Variants in CFAP47 observed in about 807,000 individuals in gnomAD.
CFAP47 encodes cilia- and flagella-associated protein 47.
A neutral mutation model predicts 148.1 loss-of-function variants in CFAP47; 29 were observed. That is an observed-to-expected ratio of 0.20 (90% CI 0.15 to 0.27). The LOEUF is 0.27. Ranked by LOEUF, CFAP47 falls within the 10% of genes least tolerant of loss-of-function variation. CFAP47 has a pLI of 1.00. For missense variants in CFAP47, 1,872 were observed against 1,697.5 expected, an observed-to-expected ratio of 1.10 and a Z score of -1.81; for synonymous variants, 664 against 577.3, an observed-to-expected ratio of 1.15 and a Z score of -2.15.
In CFAP47 at chrX:36,159,206, T is replaced by C. The variant is rs1247204989; in HGVS notation, c.5787-220T>C. Among the ~76,000 whole-genome samples, 3 of 111,566 alleles carry C rather than the reference T, an allele frequency of 2.7e-5. No homozygotes were observed. The Admixed American group carries it at 2.9e-4, about 11-fold the overall frequency. ...GCTTGCTGTTAGAAAATCCTTTATT[T>C]GAGAGATTATATATTTGAAAGTTAA... is the stretch of plus-strand genomic sequence containing the variant. On this transcript the variant is annotated intron_variant, in intron 37 of 63. Transcript: ENST00000378653.
chrX:35,998,008 C>T (rs1277042586), intron 19 of CFAP47, among the ~76,000 whole-genome samples: 1 of 110,760 alleles, frequency 9.0e-6, no homozygotes, highest in African/African-American at 3.3e-5. Flanking sequence ...TTCTGAGGTA[C>T]ACATACAAGA....
chrX:36,373,657 T>C (rs1941993938), intron 62 of CFAP47, among the ~76,000 whole-genome samples: 1 of 111,747 alleles, frequency 8.9e-6, no homozygotes, highest in Non-Finnish European at 1.9e-5. Flanking sequence ...TACCAGACCT[T>C]AGAGGAAAAG....
In CFAP47 at chrX:36,269,375, G is replaced by C. The variant is rs782115164; in HGVS notation, c.7445-11112G>C. Among the ~76,000 whole-genome samples the C allele has an allele frequency of 5.4e-5, 6 of 112,035 alleles. No individual in the cohort carries two copies. The South Asian group carries it at 2.2e-3, about 41-fold the overall frequency. On this transcript the variant is annotated intron_variant, in intron 49 of 63. Transcript: ENST00000378653. The stretch of plus-strand genomic sequence containing the variant: ...AACTAACAGAGATTTTAGATAGATA[G>C]ATACAAACAAACACAGGTGATAGAC...
intron 56 of CFAP47, among the ~76,000 whole-genome samples, chrX:36,318,750 T>A (rs1462411481): frequency 8.9e-6 from 1 of 112,323 alleles, no homozygotes; most frequent in African/African-American, 3.2e-5. Context: ...AATCTATTTT[T>A]AAACAGCAGG....
At chrX:35,923,671 T>A (rs1039437921) in intron 1 of CFAP47, among the ~76,000 whole-genome samples, 1 of 109,123 alleles carries the variant, frequency 9.2e-6, no homozygotes, top group Non-Finnish European at 1.9e-5. Context: ...AATACAGAAA[T>A]TAGCTGGGCA....
At chrX:36,239,272 T>A (rs1303882898) in intron 48 of CFAP47, among the ~76,000 whole-genome samples, 1 of 112,452 alleles carries the variant, frequency 8.9e-6, no homozygotes, top group African/African-American at 3.2e-5. Flanking sequence ...TGGCAAAAAT[T>A]GTCAAAATCG....
chrX:36,371,787 T>TAA (rs1941956857), intron 62 of CFAP47, among the ~76,000 whole-genome samples: 1 of 53,744 alleles, frequency 1.9e-5, no homozygotes, highest in Non-Finnish European at 2.8e-5. Flanking sequence ...TGTGTATATA[T>TAA]GTGTGTATAT....
At chrX:36,062,522 C>G (rs895833780) in intron 26 of CFAP47, among the ~76,000 whole-genome samples, 1 of 111,409 alleles carries the variant, frequency 9.0e-6, no homozygotes, top group Non-Finnish European at 1.9e-5. Flanking sequence ...CTTTTCACAC[C>G]TTATTTAATG....
At chrX:36,089,633 T>G (rs1190835820) in intron 30 of CFAP47, among the ~76,000 whole-genome samples, 1 of 111,141 alleles carries the variant, frequency 9.0e-6, no homozygotes, top group Non-Finnish European at 1.9e-5. Flanking sequence ...CTTCACCCGT[T>G]TTAGCTCTAA....
At chrX:35,920,164 G>T in intron 1 of CFAP47, 116 bp downstream of exon 1, 1 of 809,104 alleles carries the variant, frequency 1.2e-6, no homozygotes, top group South Asian at 3.7e-5. Flanking sequence ...GGGAGGATTG[G>T]GCTTCCCGGG....
intron 39 of CFAP47, among the ~76,000 whole-genome samples, chrX:36,167,166 A>G (rs923962669): frequency 1.8e-4 from 20 of 111,642 alleles, no homozygotes; most frequent in Non-Finnish European, 7.5e-5. Flanking sequence ...ACCAATCTCC[A>G]TCCAATTGTA....
chrX:36,133,070 G>A (rs1208104180), intron 33 of CFAP47, among the ~76,000 whole-genome samples: 1 of 111,434 alleles, frequency 9.0e-6, no homozygotes, highest in Non-Finnish European at 1.9e-5. Flanking sequence ...AGAGCTAGAC[G>A]CCATTAAGAA....
chrX:35,996,826 T>TAG (rs1936852711), intron 18 of CFAP47, among the ~76,000 whole-genome samples: 1 of 111,596 alleles, frequency 9.0e-6, no homozygotes, highest in Non-Finnish European at 1.9e-5. Flanking sequence ...CGTTATCTAA[T>TAG]AGAATACTGA....
intron 45 of CFAP47, among the ~76,000 whole-genome samples, chrX:36,209,428 A>G (rs1940076439): frequency 8.9e-6 from 1 of 111,826 alleles, no homozygotes; most frequent in African/African-American, 3.2e-5. Context: ...GAATGTGATT[A>G]GATTCTGGAA....
At chrX:36,164,348 G>C (rs1939465114) in intron 39 of CFAP47, among the ~76,000 whole-genome samples, 1 of 110,639 alleles carries the variant, frequency 9.0e-6, no homozygotes, top group Admixed American at 9.7e-5. Flanking sequence ...CTGTCTTTTG[G>C]TGCTCTAAAA....
At chrX:35,979,044 C>G (rs887559224) in intron 15 of CFAP47, among the ~76,000 whole-genome samples, 1 of 111,526 alleles carries the variant, frequency 9.0e-6, no homozygotes, top group African/African-American at 3.3e-5. Context: ...ATGGCGTCAT[C>G]TCAGCTCACT....
rs1485630763 is a variant in CFAP47, at chrX:36,236,833, T to A, written c.7306T>A (p.Phe2436Ile). Residue 2436 changes from phenylalanine to isoleucine, a missense_variant, in exon 48 of 64, where the codon TTC (phenylalanine) becomes ATC (isoleucine). Phe to Ile is a conservative substitution (Grantham distance 21). Transcript: ENST00000378653. Reference protein sequence around the residue: ...VTQKHITLPHFTNTALTFKVT... With the variant: ...VTQKHITLPHITNTALTFKVT... ...ACAAAAGCATATAACATTGCCTCAT[T>A]TCACAAATACTGCCCTAACATTTAA... 2 of 486,792 alleles carry A rather than the reference T, an allele frequency of 4.1e-6. No homozygotes were observed. The highest frequency in any genetic ancestry group is 7.4e-6 in the Non-Finnish European group (2 of 270,097). 40.1% of individuals were successfully genotyped at this position (486,792 alleles called of 1,213,427 possible).
chrX:35,944,779 A>G lies in CFAP47; in HGVS notation c.517+3381A>G, dbSNP rs188865850. On this transcript the variant is annotated intron_variant, in intron 3 of 63. Transcript: ENST00000378653. ...TGTCTAATTTGCTTCTCTAGAGAAGATAGAAGAATCCAGATTCAAAAATCA... is the reference window on the plus strand; with the variant it reads ...TGTCTAATTTGCTTCTCTAGAGAAGGTAGAAGAATCCAGATTCAAAAATCA... 3.5e-3 allele frequency among the ~76,000 whole-genome samples: 394 copies of G among 111,849 alleles called. 1 individual carries two copies. The highest frequency in any genetic ancestry group is 0.012 in the African/African-American group (385 of 30,856).
intron 35 of CFAP47, among the ~76,000 whole-genome samples, chrX:36,140,196 A>G (rs1202775581): frequency 9.0e-6 from 1 of 111,444 alleles, no homozygotes; most frequent in African/African-American, 3.3e-5. Context: ...AGCGACAGTG[A>G]ATGTCACAAT....
Sources: gnomAD v4.1 joint callset for allele counts (sites outside exome capture counted in the v4.1 genomes callset) on GRCh38, gnomAD v4.1.1 for gene constraint, MANE v1.5 for transcripts, NCBI Gene and HGNC (gene_info 2026-07-23, HGNC 2026-07-21) for gene names.